Variants in AUTS2 observed in about 807,000 individuals in gnomAD.
AUTS2 encodes the protein activator of transcription and developmental regulator AUTS2.
In AUTS2, 17 loss-of-function variants were observed where a neutral mutation model predicts 112.4. The ratio of observed to expected loss-of-function variants is 0.15; its 90% CI spans 0.10 to 0.23. The LOEUF is 0.23. Among genes scored for constraint, AUTS2 ranks in the 10% least tolerant of loss-of-function variants. AUTS2 has a pLI of 1.00. For missense variants in AUTS2, 1,510 were observed against 1,701.6 expected (o/e 0.89, Z 1.98); for synonymous variants, 751 against 702.7 (o/e 1.07, Z -1.09).
intron 5 of AUTS2, among the ~76,000 whole-genome samples, chr7:70,593,882 A>G (rs12669372): frequency 0.019 from 2,896 of 152,246 alleles, 82 homozygotes; most frequent in East Asian, 0.096. Flanking sequence ...AGGCAGGAGA[A>G]CCCTGGACCC....
intron 5 of AUTS2, among the ~76,000 whole-genome samples, chr7:70,519,617 T>C (rs553142655): frequency 6.6e-6 from 1 of 152,196 alleles, no homozygotes; most frequent in Non-Finnish European, 1.5e-5. Context: ...ACAAAACCTT[T>C]TATGGACAAA....
chr7:70,354,175 T>C (rs552718667), intron 4 of AUTS2, among the ~76,000 whole-genome samples: 5 of 152,322 alleles, frequency 3.3e-5, no homozygotes, highest in Admixed American at 2.0e-4. Context: ...GGAGATCAGA[T>C]ACAAAGTCCT....
At chr7:70,026,950 G>T (rs1800548033) in intron 2 of AUTS2, among the ~76,000 whole-genome samples, 1 of 151,338 alleles carries the variant, frequency 6.6e-6, no homozygotes, top group African/African-American at 2.4e-5. Context: ...TGATTTTTTA[G>T]TTTTATGATA....
intron 4 of AUTS2, among the ~76,000 whole-genome samples, chr7:70,177,404 A>G (rs1214724072): frequency 6.6e-6 from 1 of 152,226 alleles, no homozygotes; most frequent in Non-Finnish European, 1.5e-5. Context: ...CCACCACACC[A>G]TGATACCTCA....
In AUTS2 at chr7:69,674,169, A is replaced by G. The variant is rs17140791; in HGVS notation, c.309+74207A>G. Among the ~76,000 whole-genome samples the G allele has an allele frequency of 1.9e-3, 296 of 152,310 alleles. 1 individual carries two copies. Among genetic ancestry groups the G allele is most frequent in the African/African-American group, 6.8e-3 (284 of 41,566 alleles). On this transcript the variant is annotated intron_variant, in intron 1 of 18. Coordinates refer to ENST00000342771, the MANE Select transcript of AUTS2 (RefSeq NM_015570.4). ...AGAGTGCCATTTTGTCTCCCTGACC[A>G]TTTCACTGATTCTGTACTTGTTGTT...
chr7:69,625,171 A>G (rs932037559), intron 1 of AUTS2, among the ~76,000 whole-genome samples: 4 of 152,142 alleles, frequency 2.6e-5, no homozygotes, highest in Non-Finnish European at 5.9e-5. Context: ...TCTCCCCTTC[A>G]ATTCTTAGCA....
intron 5 of AUTS2, among the ~76,000 whole-genome samples, chr7:70,582,901 A>G (rs1192534870): frequency 6.6e-6 from 1 of 152,214 alleles, no homozygotes; most frequent in Non-Finnish European, 1.5e-5. Context: ...CGACTCCCTC[A>G]TGAGCTTAGC....
intron 4 of AUTS2, among the ~76,000 whole-genome samples, chr7:70,149,158 A>G (rs1218454824): frequency 6.6e-6 from 1 of 152,114 alleles, no homozygotes; most frequent in Non-Finnish European, 1.5e-5. Flanking sequence ...CTAGTTTGAA[A>G]TGAATCAGCA....
chr7:70,058,303 T>C (rs1702710377), intron 2 of AUTS2, among the ~76,000 whole-genome samples: 1 of 152,238 alleles, frequency 6.6e-6, no homozygotes, highest in South Asian at 2.1e-4. Context: ...ATGTGGTATG[T>C]CTGGAGTTTT....
intron 1 of AUTS2, among the ~76,000 whole-genome samples, chr7:69,820,271 C>T (rs1428796463): frequency 1.3e-5 from 2 of 152,212 alleles, no homozygotes; most frequent in African/African-American, 4.8e-5. Context: ...TTGTGAAATA[C>T]AAAATAATTA....
intron 2 of AUTS2, among the ~76,000 whole-genome samples, chr7:69,915,834 C>T (rs910125327): frequency 2.6e-5 from 4 of 152,152 alleles, no homozygotes; most frequent in African/African-American, 4.8e-5. Context: ...TTAAGTGATC[C>T]TTCCACCTCA....
intron 2 of AUTS2, among the ~76,000 whole-genome samples, chr7:69,973,627 A>AT (rs202220317): frequency 4.1e-4 from 63 of 151,910 alleles, no homozygotes; most frequent in African/African-American, 9.9e-4. Flanking sequence ...GTTTTCTGAG[A>AT]TTTTTTTTAT....
intron 1 of AUTS2, among the ~76,000 whole-genome samples, chr7:69,642,850 TTG>T (rs960237715): frequency 2.0e-5 from 3 of 152,188 alleles, no homozygotes; most frequent in Admixed American, 6.5e-5. Context: ...TGGTTATCAA[TTG>T]ATATATAACA....
At chr7:70,712,252 G>C (rs1473523134) in intron 6 of AUTS2, among the ~76,000 whole-genome samples, 2 of 104,242 alleles carry the variant, frequency 1.9e-5, no homozygotes, top group African/African-American at 7.5e-5. Context: ...TCACCACATT[G>C]CCCAGGCTGG....
chr7:70,278,072 T>C (rs1185381138), intron 4 of AUTS2, among the ~76,000 whole-genome samples: 1 of 152,018 alleles, frequency 6.6e-6, no homozygotes, highest in African/African-American at 2.4e-5. Context: ...TTTAATCTGG[T>C]GCATCTGAAC....
chr7:70,724,681 G>C (rs149445145), intron 6 of AUTS2, among the ~76,000 whole-genome samples: 2 of 151,766 alleles, frequency 1.3e-5, no homozygotes, highest in Non-Finnish European at 2.9e-5. Context: ...TCCTGACCTC[G>C]TGGTCCGCTT....
intron 4 of AUTS2, among the ~76,000 whole-genome samples, chr7:70,377,368 A>ATATATATATATATATATG: frequency 1.7e-5 from 2 of 121,066 alleles, no homozygotes. Flanking sequence ...ATATATATAT[A>ATATATATATATATATATG]TATATAGTGA....
intron 4 of AUTS2, among the ~76,000 whole-genome samples, chr7:70,247,015 G>T (rs916080660): frequency 6.6e-6 from 1 of 151,572 alleles, no homozygotes; most frequent in Non-Finnish European, 1.5e-5. Context: ...CTCGTTCTTC[G>T]TATATACCCA....
chr7:70,207,276 A>G (rs1298274983), intron 4 of AUTS2, among the ~76,000 whole-genome samples: 1 of 152,196 alleles, frequency 6.6e-6, no homozygotes, highest in African/African-American at 2.4e-5. Flanking sequence ...TTTATGTACT[A>G]GTAATAATTA....
Sources: gnomAD v4.1 joint callset for allele counts (sites outside exome capture counted in the v4.1 genomes callset) on GRCh38, gnomAD v4.1.1 for gene constraint, MANE v1.5 for transcripts, NCBI Gene and HGNC (gene_info 2026-07-23, HGNC 2026-07-21) for gene names.